MAP4K4: variants seen among roughly 807,000 people sequenced by gnomAD.
The protein encoded by MAP4K4 is mitogen-activated protein kinase kinase kinase kinase 4, also known as HPK/GCK-like kinase HGK.
Under a neutral mutation model 189.6 loss-of-function variants are expected in MAP4K4, and 38 were observed. The observed-to-expected ratio is 0.20, with a 90% CI of 0.15 to 0.26. MAP4K4 has a LOEUF of 0.26. Among genes scored for constraint, MAP4K4 ranks in the 10% least tolerant of loss-of-function variants. The pLI is 1.00. For synonymous variants in MAP4K4, 610 were observed against 624.3 expected (o/e 0.98, Z 0.34); for missense variants, 1,054 against 1,726.9 (o/e 0.61, Z 6.91).
intron 2 of MAP4K4, among the ~76,000 whole-genome samples, chr2:101,785,982 T>G (rs2091027902): frequency 6.6e-6 from 1 of 152,044 alleles, no homozygotes; most frequent in Non-Finnish European, 1.5e-5. Flanking sequence ...CCCGCCACCA[T>G]GCCTGGCTGA....
chr2:101,791,478 T>A (rs1558943076), intron 3 of MAP4K4, among the ~76,000 whole-genome samples: 1 of 152,132 alleles, frequency 6.6e-6, no homozygotes, highest in Admixed American at 6.5e-5. Context: ...CATTTCATTT[T>A]AAATTATTTT....
intron 14 of MAP4K4, 135 bp from the exon 15 acceptor site, chr2:101,859,508 T>G: frequency 4.5e-6 from 3 of 661,468 alleles, no homozygotes; most frequent in Non-Finnish European, 5.3e-6. Flanking sequence ...CTATTTAAAA[T>G]CCCAGCCATT....
rs1433694020 is a variant in MAP4K4 at position 101,844,046 on chromosome 2, C to T, written c.1023-55C>T. 3.2e-6 allele frequency: 4 copies of T among 1,269,216 alleles called. No individual in the cohort carries two copies. In the African/African-American group the frequency reaches 4.4e-5, roughly 14 times the overall value. The allele number at this position is 1,269,216 out of a possible 1,614,324, so 78.6% of individuals were successfully genotyped here. A position where few individuals can be genotyped will look rare whatever the true frequency, so the allele number is the denominator to read the frequency against. ...ATAATATGCTGGTGCTATTGACTCA[C>T]TTATAGGACAGTGTGATCGGTGCAC... On this transcript the variant is annotated intron_variant, in intron 11 of 32. Coordinates refer to ENST00000324219, the Ensembl canonical transcript of MAP4K4.
At chr2:101,833,800 A>C (rs1427132761) in intron 7 of MAP4K4, among the ~76,000 whole-genome samples, 1 of 152,228 alleles carries the variant, frequency 6.6e-6, no homozygotes, top group Non-Finnish European at 1.5e-5. Context: ...CAGGGGAATC[A>C]GAAAAAAGAT....
At chr2:101,887,704 G>A (rs1272018457) in intron 30 of MAP4K4, 74 bp from the exon 31 acceptor site, 2 of 1,157,138 alleles carry the variant, frequency 1.7e-6, no homozygotes, top group African/African-American at 3.1e-5. Context: ...TTCACTAAGA[G>A]TCTTACTGAG....
At chr2:101,816,188 C>T (rs891582931) in intron 3 of MAP4K4, among the ~76,000 whole-genome samples, 2 of 152,216 alleles carry the variant, frequency 1.3e-5, no homozygotes, top group African/African-American at 4.8e-5. Context: ...GAAGTCTCTT[C>T]TAAGCGCTTT....
chr2:101,744,013 A>G (rs1053038702), intron 2 of MAP4K4, among the ~76,000 whole-genome samples: 2 of 152,152 alleles, frequency 1.3e-5, no homozygotes, highest in African/African-American at 4.8e-5. Flanking sequence ...CTGTTTTCTT[A>G]AGTTGTTTCT....
chr2:101,836,021 T>C (rs755201996), intron 9 of MAP4K4, 43 bp downstream of exon 9: 1 of 1,432,622 alleles, frequency 7.0e-7, no homozygotes, highest in Non-Finnish European at 9.8e-7. Flanking sequence ...CCCTTTTTTT[T>C]AAATTGCTTC....
At chr2:101,885,402 CTAA>C (rs1359449573) in intron 29 of MAP4K4, 115 bp downstream of exon 29, 1 of 602,120 alleles carries the variant, frequency 1.7e-6, no homozygotes, top group African/African-American at 1.9e-5. Flanking sequence ...AAGCTATGTG[CTAA>C]TATAGCATAT....
intron 2 of MAP4K4, among the ~76,000 whole-genome samples, chr2:101,745,306 T>C (rs2064744299): frequency 7.2e-6 from 1 of 139,218 alleles, no homozygotes; most frequent in Admixed American, 7.3e-5. Flanking sequence ...GAATCAGAAA[T>C]ATGGAAAAAA....
chr2:101,831,636 A>G (rs1559112914), intron 6 of MAP4K4, 85 bp from the exon 7 acceptor site: 1 of 1,411,516 alleles, frequency 7.1e-7, no homozygotes, highest in Non-Finnish European at 9.8e-7. Context: ...CTATGAAGAC[A>G]TTTCCTCCTT....
At chr2:101,880,350 T>C (rs1026179226) in intron 27 of MAP4K4, among the ~76,000 whole-genome samples, 10 of 152,214 alleles carry the variant, frequency 6.6e-5, no homozygotes, top group African/African-American at 2.2e-4. Flanking sequence ...CCACAATCCA[T>C]TTTGAATTGA....
chr2:101,847,870 T>C (rs1352975795), intron 12 of MAP4K4, among the ~76,000 whole-genome samples: 1 of 152,228 alleles, frequency 6.6e-6, no homozygotes, highest in African/African-American at 2.4e-5. Flanking sequence ...CAGAGCAACC[T>C]CCAGCCCCTC....
intron 13 of MAP4K4, among the ~76,000 whole-genome samples, chr2:101,857,970 T>G (rs932775168): frequency 6.6e-6 from 1 of 152,230 alleles, no homozygotes; most frequent in African/African-American, 2.4e-5. Flanking sequence ...CTTCTTAGTC[T>G]ATTCCTCTTC....
intron 2 of MAP4K4, among the ~76,000 whole-genome samples, chr2:101,723,266 T>C (rs1307123709): frequency 6.6e-6 from 1 of 152,200 alleles, no homozygotes; most frequent in Non-Finnish European, 1.5e-5. Context: ...ATCAGCATCT[T>C]ATTGAGGATG....
intron 2 of MAP4K4, among the ~76,000 whole-genome samples, chr2:101,750,957 CTT>C (rs1275033244): frequency 3.3e-5 from 5 of 152,006 alleles, no homozygotes; most frequent in African/African-American, 1.2e-4. Flanking sequence ...ACCTTTTTAT[CTT>C]TTCACTTCCT....
intron 2 of MAP4K4, among the ~76,000 whole-genome samples, chr2:101,764,597 A>G (rs891597767): frequency 2.0e-5 from 3 of 152,178 alleles, no homozygotes; most frequent in Non-Finnish European, 2.9e-5. Flanking sequence ...AATGATACCT[A>G]AGGAATTAGT....
At chr2:101,760,627 A>G (rs961824716) in intron 2 of MAP4K4, among the ~76,000 whole-genome samples, 1 of 151,188 alleles carries the variant, frequency 6.6e-6, no homozygotes, top group Non-Finnish European at 1.5e-5. Context: ...AGACTTTTGT[A>G]TTTGAAGTAG....
chr2:101,861,104 G>A (rs1213082683), intron 16 of MAP4K4, 118 bp downstream of exon 16: 2 of 929,332 alleles, frequency 2.2e-6, no homozygotes, highest in African/African-American at 3.3e-5. Flanking sequence ...GGAGAGATTA[G>A]CAGGAGTGAG....
Sources: gnomAD v4.1 joint callset for allele counts (sites outside exome capture counted in the v4.1 genomes callset) on GRCh38, gnomAD v4.1.1 for gene constraint, MANE v1.5 for transcripts, NCBI Gene and HGNC (gene_info 2026-07-23, HGNC 2026-07-21) for gene names.